DDX27: variants seen among roughly 807,000 people sequenced by gnomAD.
The protein encoded by DDX27 is DEAD-box helicase 27, also known as probable ATP-dependent RNA helicase DDX27.
In DDX27, 42 loss-of-function variants were observed where a neutral mutation model predicts 99.3. The observed-to-expected ratio is 0.42, with a 90% confidence interval of 0.33 to 0.55. The LOEUF is 0.55. DDX27 is among the 20% of genes least tolerant of loss of function. DDX27 has a pLI of 0.07. For missense variants in DDX27, 798 were observed against 976.8 expected (o/e 0.82, Z 2.44); for synonymous variants, 329 against 353.8 (o/e 0.93, Z 0.79).
chr20:49,219,778 C>T (rs1490957933), intron 1 of DDX27, among the ~76,000 whole-genome samples: 1 of 152,132 alleles, frequency 6.6e-6, no homozygotes, highest in Non-Finnish European at 1.5e-5. Context: ...TATCTATTCA[C>T]TGAACTGATA....
At chr20:49,220,880 C>G (rs1013988710) in intron 1 of DDX27, among the ~76,000 whole-genome samples, 6 of 152,260 alleles carry the variant, frequency 3.9e-5, no homozygotes, top group Non-Finnish European at 7.3e-5. Context: ...ACGTGGCTTT[C>G]AAGGTCCTCA....
intron 11 of DDX27, 172 bp from the exon 12 acceptor site, chr20:49,234,763 C>G: frequency 4.5e-6 from 3 of 668,606 alleles, no homozygotes; most frequent in South Asian, 5.5e-5. Flanking sequence ...ATTTTTCACC[C>G]CCCAGGAATT....
At position 49,236,094 on chromosome 20, in the gene DDX27, T is replaced by C. The variant is rs1980296642; in HGVS notation, c.1428-56T>C. The C allele has an allele frequency of 1.3e-6, 2 of 1,519,062 alleles. No individual in the cohort carries two copies. The highest frequency in any genetic ancestry group is 1.8e-6 in the Non-Finnish European group (2 of 1,112,154). The allele number at this position is 1,519,062 out of a possible 1,614,324, so 94.1% of individuals were successfully genotyped here. ...TGTCCTCTGCTGGCTCAGGCTCTTG[T>C]GGAGCATTATTAGGGGAGGGTGTCT... On this transcript the variant is annotated intron_variant, in intron 12 of 20. Coordinates refer to ENST00000618172, the MANE Select transcript of DDX27 (RefSeq NM_017895.8). This position sits in a 1 kb window ranked among gnomAD's most constrained non-coding sequence, Gnocchi z 4.1.
Position 49,233,163 on chromosome 20 carries a change from T to C in DDX27, c.1032-143T>C. The C allele has an allele frequency of 4.7e-6, 3 of 634,304 alleles. No homozygotes were observed. In the South Asian group the frequency reaches 6.0e-5, roughly 13 times the overall value. The allele number at this position is 634,304 out of a possible 1,614,324, so 39.3% of individuals were successfully genotyped here. A position where few individuals can be genotyped will look rare whatever the true frequency, so the allele number is the denominator to read the frequency against. On this transcript the variant is annotated intron_variant, in intron 9 of 20. Coordinates refer to ENST00000618172, the MANE Select transcript of DDX27 (RefSeq NM_017895.8). ...AGCAAATGTGGCAAAATGATAATTC[T>C]TGGTGAAAAGATAAAATAATAAAAT... is the stretch of plus-strand genomic sequence containing the variant.
In DDX27 at chr20:49,233,692, G is replaced by A. The variant is rs770470585; in HGVS notation, c.1256G>A (p.Arg419Gln). 19 of 1,613,478 alleles carry A rather than the reference G, an allele frequency of 1.2e-5. No individual in the cohort carries two copies. The highest frequency in any genetic ancestry group is 1.5e-5 in the Non-Finnish European group (18 of 1,179,796). ...IRIRPNREGD[R>Q]EAIVAALLTR... ...ATCCGGCCTAATCGTGAAGGAGACCGGGAAGCCATCGTGGCAGGTGGCAGC... is the reference window on the plus strand; with the variant it reads ...ATCCGGCCTAATCGTGAAGGAGACCAGGAAGCCATCGTGGCAGGTGGCAGC... The change falls in exon 11 of 21, where the codon CGG becomes CAG. Residue 419 changes from arginine (R) to glutamine (Q), a missense_variant. Around this residue, in one of 2 missense-constraint regions of DDX27, gnomAD observed 553 missense variants for 727.9 expected, o/e 0.76. Transcript: ENST00000618172.
intron 16 of DDX27, 87 bp from the exon 17 acceptor site, chr20:49,241,806 T>G: frequency 7.0e-7 from 1 of 1,420,110 alleles, no homozygotes; most frequent in South Asian, 1.2e-5. Flanking sequence ...ATCTGCTAAC[T>G]TACCAATTGA....
At chr20:49,242,856 G>C (rs915879339) in intron 19 of DDX27, among the ~76,000 whole-genome samples, 175 bp downstream of exon 19, 18 of 152,132 alleles carry the variant, frequency 1.2e-4, no homozygotes, top group Admixed American at 4.6e-4. Context: ...CAAGAAGCTG[G>C]GACTATAGGC....
chr20:49,235,209 G>A, intron 12 of DDX27, 121 bp downstream of exon 12: 3 of 1,205,356 alleles, frequency 2.5e-6, no homozygotes, highest in Admixed American at 3.1e-5. Flanking sequence ...GCATGATCTT[G>A]GCCTTGAACA....
chr20:49,241,478 CT>C (rs1054923350), intron 16 of DDX27, among the ~76,000 whole-genome samples: 168 of 141,488 alleles, frequency 1.2e-3, no homozygotes, highest in Middle Eastern at 3.8e-3. Context: ...CTTTTCTTTT[CT>C]TTTTTTTTTT....
In DDX27 at chr20:49,238,966, C is replaced by G. The variant is rs772453511; in HGVS notation, c.1705C>G (p.Arg569Gly). The G allele has an allele frequency of 6.2e-7, 1 of 1,613,612 alleles. No homozygotes were observed. Among genetic ancestry groups the G allele is most frequent in the African/African-American group, 1.3e-5 (1 of 74,944 alleles). ...ILPQDVILKF[R>G]DKIEKMEKDV... ...CCATTGAGATGTCATCCTCAAATTCCGGGACAAGATTGAGAAAATGGAGAA... is the reference window on the plus strand; with the variant it reads ...CCATTGAGATGTCATCCTCAAATTCGGGGACAAGATTGAGAAAATGGAGAA... Residue 569 changes from arginine (R) to glycine (G), a missense_variant, in exon 15 of 21, where the codon CGG (arginine) becomes GGG (glycine). Physicochemically the swap from Arg to Gly is moderately radical, Grantham distance 125 (BLOSUM62 -2). This residue lies in a region of DDX27 where 553 missense variants were observed against 727.9 expected (regional missense o/e 0.76). Coordinates refer to ENST00000618172, the MANE Select transcript of DDX27 (RefSeq NM_017895.8).
At chr20:49,225,449 C>CT (rs1979848271) in intron 6 of DDX27, among the ~76,000 whole-genome samples, 1 of 134,132 alleles carries the variant, frequency 7.5e-6, no homozygotes, top group Non-Finnish European at 1.6e-5. Context: ...TGCCAGAGAA[C>CT]TCCCTTTTTT....
At chr20:49,220,719 C>T (rs1322498170) in intron 1 of DDX27, among the ~76,000 whole-genome samples, 1 of 152,208 alleles carries the variant, frequency 6.6e-6, no homozygotes, top group Non-Finnish European at 1.5e-5. Context: ...GAGCCAGGCC[C>T]CTGTACAGTG....
chr20:49,239,402 A>G, intron 16 of DDX27, 64 bp downstream of exon 16: 4 of 1,227,948 alleles, frequency 3.3e-6, no homozygotes, highest in Non-Finnish European at 4.6e-6. Flanking sequence ...CAGCAGTTCC[A>G]TTTCCTAGTT....
chr20:49,235,193 C>T, intron 12 of DDX27, 105 bp downstream of exon 12: 3 of 1,314,210 alleles, frequency 2.3e-6, no homozygotes, highest in Non-Finnish European at 3.1e-6. Context: ...TAGCAGGGGA[C>T]ACATAGCATG....
At chr20:49,241,760 C>A in intron 16 of DDX27, 133 bp from the exon 17 acceptor site, 2 of 952,264 alleles carry the variant, frequency 2.1e-6, no homozygotes, top group East Asian at 2.6e-5. Context: ...CGAGCTACTG[C>A]ACTCGGCCAA....
chr20:49,222,838 A>G (rs1979738770), intron 2 of DDX27, 119 bp from the exon 3 acceptor site: 2 of 640,708 alleles, frequency 3.1e-6, no homozygotes, highest in Non-Finnish European at 5.2e-6. Context: ...TATAATATGT[A>G]TATGTATTTT....
intron 14 of DDX27, 153 bp from the exon 15 acceptor site, chr20:49,238,796 G>C: frequency 3.9e-6 from 1 of 257,314 alleles, no homozygotes; most frequent in Non-Finnish European, 6.8e-6. Context: ...TTTTTGTAGA[G>C]ACAGAGTCTG....
Position 49,228,734 on chromosome 20 carries a change from C to A in DDX27, c.726C>A (p.Ala242=). The A allele has an allele frequency of 6.2e-7, 1 of 1,607,506 alleles. No individual in the cohort carries two copies. Among genetic ancestry groups the A allele is most frequent in the East Asian group, 2.3e-5 (1 of 44,376 alleles). Reference sequence around the variant, plus strand: ...CTCCAGGTAAAACTGCCGCCTTTGCCCTGCCTGTTTTGGAGCGTCTGATTT... The same window carrying A: ...CTCCAGGTAAAACTGCCGCCTTTGCACTGCCTGTTTTGGAGCGTCTGATTT... ...ATGTGKTAAF[A]LPVLERLIYK... is the part of the protein sequence containing the mutation. The change falls in exon 8 of 21, where the codon GCC becomes GCA. Residue 242 remains alanine (A), a synonymous_variant. Transcript: ENST00000618172.
intron 9 of DDX27, among the ~76,000 whole-genome samples, chr20:49,233,006 A>C (rs1464420521): frequency 6.6e-6 from 1 of 151,720 alleles, no homozygotes; most frequent in East Asian, 1.9e-4. Flanking sequence ...ATATTCACGC[A>C]CTTGAAAGTC....
Sources: gnomAD v4.1 joint callset for allele counts (sites outside exome capture counted in the v4.1 genomes callset) on GRCh38, gnomAD v4.1.1 for gene constraint, gnomAD v4.1.1 regional missense constraint, Gnocchi (gnomAD v3.1) non-coding constraint, MANE v1.5 for transcripts, NCBI Gene and HGNC (gene_info 2026-07-23, HGNC 2026-07-21) for gene names.